CEMIP2: variants seen among roughly 807,000 people sequenced by gnomAD.
The protein encoded by CEMIP2 is cell surface hyaluronidase CEMIP2.
A neutral mutation model predicts 146.9 loss-of-function variants in CEMIP2; 79 were observed. The ratio of observed to expected loss-of-function variants is 0.54; its 90% CI spans 0.45 to 0.65. CEMIP2 has a LOEUF of 0.65. CEMIP2 is among the 30% of genes least tolerant of loss of function. CEMIP2 has a pLI of 0.00. For synonymous variants in CEMIP2, 601 were observed against 606.3 expected (o/e 0.99, Z 0.13); for missense variants, 1,596 against 1,696.2 (o/e 0.94, Z 1.04).
chr9:71,711,395 TAAA>T (rs34605983), intron 16 of CEMIP2, among the ~76,000 whole-genome samples: 1 of 146,192 alleles, frequency 6.8e-6, no homozygotes, highest in African/African-American at 2.5e-5. Context: ...CTTTCTCTAT[TAAA>T]AAAAAAAAAA....
intron 15 of CEMIP2, among the ~76,000 whole-genome samples, chr9:71,713,197 G>C (rs1392404370): frequency 6.6e-6 from 1 of 152,098 alleles, no homozygotes; most frequent in Non-Finnish European, 1.5e-5. Context: ...GGGACCCAGC[G>C]GGAGATGACT....
chr9:71,761,263 G>A (rs1325110893), intron 1 of CEMIP2, among the ~76,000 whole-genome samples: 1 of 152,160 alleles, frequency 6.6e-6, no homozygotes, highest in Non-Finnish European at 1.5e-5. Context: ...TACTTCTCAG[G>A]AAGAAAAAAC....
intron 3 of CEMIP2, 29 bp from the exon 4 acceptor site, chr9:71,745,608 C>A (rs1384490542): frequency 1.3e-6 from 2 of 1,529,328 alleles, no homozygotes; most frequent in Non-Finnish European, 1.8e-6. Flanking sequence ...TGTAAGCCAA[C>A]TTCTAAATCA....
chr9:71,705,682 T>C (rs1822712213), intron 17 of CEMIP2, among the ~76,000 whole-genome samples: 1 of 144,250 alleles, frequency 6.9e-6, no homozygotes, highest in Admixed American at 6.9e-5. Flanking sequence ...TTTAAGACTA[T>C]TGATTGTCTT....
chr9:71,708,002 C>T (rs550984941), intron 17 of CEMIP2, among the ~76,000 whole-genome samples: 20 of 152,118 alleles, frequency 1.3e-4, no homozygotes, highest in Middle Eastern at 3.4e-3. Context: ...CTGGCTAACA[C>T]GGTGAAACCC....
At chr9:71,746,991 G>A (rs1372226243) in intron 2 of CEMIP2, among the ~76,000 whole-genome samples, 2 of 152,182 alleles carry the variant, frequency 1.3e-5, no homozygotes, top group South Asian at 2.1e-4. Context: ...TGAGTGATAC[G>A]CAAGTTTCCC....
In CEMIP2 at chr9:71,746,972, T is replaced by C. The variant is rs1235285256; in HGVS notation, c.332-631A>G. On this transcript the variant is annotated intron_variant, in intron 2 of 23. Transcript: ENST00000377044. ...ACAGGTTAGAGAAACCAAAGATTAC[T>C]TAGCAAGCTGAGTGATACGCAAGTT... Among the ~76,000 whole-genome samples, 4 of 152,312 alleles carry C rather than the reference T, an allele frequency of 2.6e-5. No individual in the cohort carries two copies. The East Asian group carries it at 7.7e-4, about 29-fold the overall frequency.
At chr9:71,761,422 G>A (rs62544892) in intron 1 of CEMIP2, among the ~76,000 whole-genome samples, 9,408 of 152,256 alleles carry the variant, frequency 0.062, 457 homozygotes, top group South Asian at 0.18. Flanking sequence ...AACAGAAGGG[G>A]TATGTTTTGA....
chr9:71,712,061 A>G, intron 16 of CEMIP2, 22 bp downstream of exon 16: 1 of 1,608,288 alleles, frequency 6.2e-7, no homozygotes, highest in African/African-American at 1.3e-5. Context: ...GTCACTACGT[A>G]AGAACTACAG....
At position 71,746,272 on chromosome 9, in the gene CEMIP2, A is replaced by G; in HGVS notation, c.401T>C (p.Val134Ala). Residue 134 changes from valine to alanine, a missense_variant, in exon 3 of 24, where the codon GTT becomes GCT. By Grantham distance (64) the Val-to-Ala change is moderately conservative. Transcript: ENST00000377044. ...DPGQDSAKQV[V>A]IKEGDMLRLT... is the part of the protein sequence containing the mutation. ...ACGGAGCATATCTCCCTCCTTGATA[A>G]CAACTTGCTTTGCAGAATCTTGTCC... 1 of 1,614,018 alleles carries G rather than the reference A, an allele frequency of 6.2e-7. No individual in the cohort carries two copies. The highest frequency in any genetic ancestry group is 8.5e-7 in the Non-Finnish European group (1 of 1,179,906).
chr9:71,712,891 G>A (rs1822949378), intron 15 of CEMIP2, among the ~76,000 whole-genome samples: 3 of 152,092 alleles, frequency 2.0e-5, no homozygotes, highest in Admixed American at 2.0e-4. Flanking sequence ...ATAGGAACTG[G>A]TAATATTCTG....
In CEMIP2 at chr9:71,685,317, C is replaced by A; in HGVS notation, c.4032G>T (p.Gln1344His). Residue 1344 changes from glutamine (Q) to histidine (H), a missense_variant, in exon 24 of 24, where the codon CAG becomes CAT. Gln to His is a conservative substitution (Grantham distance 24). Transcript: ENST00000377044. ...WTKLFTSPAG[Q>H]GLGVLEQFIP... is the part of the protein sequence containing the mutation. The stretch of plus-strand genomic sequence containing the variant: ...TGAATTGTTCAAGCACCCCAAGGCC[C>A]TGTCCAGCAGGACTGGTAAATAGCT... 1.2e-6 allele frequency: 2 copies of A among 1,609,280 alleles called. No homozygotes were observed. The highest frequency in any genetic ancestry group is 3.3e-4 in the Middle Eastern group (2 of 6,048).
At position 71,728,558 on chromosome 9, in the gene CEMIP2, A is replaced by G. The variant is rs558399611; in HGVS notation, c.2049+1287T>C. 9.9e-5 allele frequency among the ~76,000 whole-genome samples: 15 copies of G among 151,640 alleles called. No individual in the cohort carries two copies. The South Asian group carries it at 3.1e-3, about 32-fold the overall frequency. ...ACTAAAATTCTCAATAATAAATACA[A>G]ATTTCTCCAAACTTATCCAGGGGAC... On this transcript the variant is annotated intron_variant, in intron 10 of 23. Transcript: ENST00000377044.
At chr9:71,728,813 T>TTG (rs1375811260) in intron 10 of CEMIP2, among the ~76,000 whole-genome samples, 1 of 68,834 alleles carries the variant, frequency 1.5e-5, no homozygotes, top group South Asian at 6.9e-4. Context: ...TTTGTGGGGT[T>TTG]TTTGTGTGTG....
chr9:71,754,932 C>G (rs1824378363), intron 1 of CEMIP2, among the ~76,000 whole-genome samples: 1 of 151,854 alleles, frequency 6.6e-6, no homozygotes, highest in African/African-American at 2.4e-5. Context: ...AAAACATAAG[C>G]ATTCCAAAAA....
At chr9:71,752,929 G>A (rs1386518358) in intron 1 of CEMIP2, among the ~76,000 whole-genome samples, 2 of 152,112 alleles carry the variant, frequency 1.3e-5, no homozygotes, top group Admixed American at 1.3e-4. Flanking sequence ...TGTGGGGTTT[G>A]ATTTCTGAAC....
intron 23 of CEMIP2, 54 bp from the exon 24 acceptor site, chr9:71,685,447 T>C: frequency 7.1e-7 from 1 of 1,407,582 alleles, no homozygotes; most frequent in Non-Finnish European, 9.2e-7. Flanking sequence ...TATAGCTACA[T>C]TCCAGCAAGA....
chr9:71,695,307 C>T (rs1302227677), intron 20 of CEMIP2, among the ~76,000 whole-genome samples: 1 of 152,184 alleles, frequency 6.6e-6, no homozygotes, highest in African/African-American at 2.4e-5. Context: ...CATTCAAAAA[C>T]ACTTAACTCT....
At chr9:71,717,239 G>A (rs751103428) in intron 13 of CEMIP2, among the ~76,000 whole-genome samples, 1 of 152,064 alleles carries the variant, frequency 6.6e-6, no homozygotes, top group Non-Finnish European at 1.5e-5. Context: ...CAAAGTATTA[G>A]CTATAATTAT....
Sources: allele counts gnomAD v4.1 joint callset (sites outside exome capture counted in the v4.1 genomes callset), GRCh38; gene constraint gnomAD v4.1.1; transcripts MANE v1.5; gene names NCBI Gene and HGNC (gene_info 2026-07-23, HGNC 2026-07-21).